Variants in CALN1 observed in about 807,000 individuals in gnomAD.
The protein encoded by CALN1 is calcium-binding protein 8.
Under a neutral mutation model 30.6 loss-of-function variants are expected in CALN1, and 17 were observed. The observed-to-expected ratio is 0.56, with a 90% CI of 0.38 to 0.83. The LOEUF is 0.83. CALN1 is among the 40% of genes least tolerant of loss of function. The pLI, the probability that CALN1 is intolerant of heterozygous loss-of-function variation, is 0.00. For synonymous variants in CALN1, 156 were observed against 131.4 expected, an observed-to-expected ratio of 1.19 and a Z score of -1.28; for missense variants, 291 against 354.9, an observed-to-expected ratio of 0.82 and a Z score of 1.45.
chr7:72,185,229 T>C (rs1456287962), intron 3 of CALN1, among the ~76,000 whole-genome samples: 2 of 151,996 alleles, frequency 1.3e-5, no homozygotes, highest in African/African-American at 4.8e-5. Context: ...ATGGGAAAAA[T>C]GTACATGGGA....
intron 5 of CALN1, among the ~76,000 whole-genome samples, chr7:71,831,978 A>T (rs1325944180): frequency 6.6e-6 from 1 of 151,962 alleles, no homozygotes; most frequent in Non-Finnish European, 1.5e-5. Context: ...CAAATATAAG[A>T]CATACTGTTG....
intron 2 of CALN1, among the ~76,000 whole-genome samples, chr7:72,398,434 CTT>C (rs1233792631): frequency 1.3e-5 from 2 of 152,222 alleles, no homozygotes; most frequent in East Asian, 1.9e-4. Flanking sequence ...CGAAAAAACA[CTT>C]TGTTTGGAAC....
intron 3 of CALN1, among the ~76,000 whole-genome samples, chr7:72,193,356 T>A (rs1248826645): frequency 6.6e-6 from 1 of 151,960 alleles, no homozygotes; most frequent in Non-Finnish European, 1.5e-5. Context: ...CAGAGAAGGG[T>A]AGAAGACTCA....
At chr7:72,493,557 T>G in the CALN1 span, among the ~76,000 whole-genome samples, 1 of 152,164 alleles carries the variant, frequency 6.6e-6, no homozygotes, top group Non-Finnish European at 1.5e-5. Flanking sequence ...CAAGCTGGTC[T>G]CGAAATCCTG....
chr7:72,228,710 A>C (rs1793858776), intron 3 of CALN1, among the ~76,000 whole-genome samples: 1 of 151,138 alleles, frequency 6.6e-6, no homozygotes. Context: ...TACAGCAAGC[A>C]CTCCACAAGT....
intron 3 of CALN1, among the ~76,000 whole-genome samples, chr7:72,148,067 C>T (rs201968229): frequency 2.2e-4 from 32 of 144,784 alleles, no homozygotes; most frequent in East Asian, 2.0e-3. Flanking sequence ...GTTGTGCACA[C>T]GTACCCTAGA....
At chr7:72,046,332 C>T (rs1270071680) in intron 4 of CALN1, among the ~76,000 whole-genome samples, 1 of 151,944 alleles carries the variant, frequency 6.6e-6, no homozygotes, top group Non-Finnish European at 1.5e-5. Flanking sequence ...CTTCCAATTC[C>T]GAGGCTAAGG....
At chr7:72,469,929 G>A in the CALN1 span, among the ~76,000 whole-genome samples, 3 of 152,226 alleles carry the variant, frequency 2.0e-5, 1 homozygote, top group South Asian at 2.1e-4. Context: ...GTGGCTTCAC[G>A]TCCTGATTCT....
Position 72,374,805 on chromosome 7 carries a change from G to A in CALN1, c.119+28446C>T, listed in dbSNP as rs140448053. The stretch of plus-strand genomic sequence containing the variant: ...TCTCCTAAGCATGAGGTTATTTAAC[G>A]TTTTGTTTGAAATTATTACCACATA... On this transcript the variant is annotated intron_variant, in intron 2 of 6. Coordinates refer to ENST00000395275, the MANE Select transcript of CALN1 (RefSeq NM_031468.4). 2.1e-3 allele frequency among the ~76,000 whole-genome samples: 320 copies of A among 152,148 alleles called. 1 individual carries two copies. Among genetic ancestry groups the A allele is most frequent in the African/African-American group, 6.9e-3 (285 of 41,512 alleles).
intron 3 of CALN1, among the ~76,000 whole-genome samples, chr7:72,267,980 C>T (rs1367343472): frequency 1.3e-5 from 2 of 152,104 alleles, no homozygotes; most frequent in Non-Finnish European, 2.9e-5. Context: ...GCACTCCAGC[C>T]GGGGCAACAG....
chr7:72,326,057 C>T (rs999837559), intron 2 of CALN1, among the ~76,000 whole-genome samples: 1 of 152,188 alleles, frequency 6.6e-6, no homozygotes, highest in African/African-American at 2.4e-5. Flanking sequence ...TGCCCGCCAC[C>T]ACGCCTGGCT....
chr7:72,259,753 C>T (rs1796148091), intron 3 of CALN1, among the ~76,000 whole-genome samples: 1 of 152,178 alleles, frequency 6.6e-6, no homozygotes, highest in African/African-American at 2.4e-5. Flanking sequence ...CCCATGCCAA[C>T]TTCTCCCCAA....
intron 3 of CALN1, among the ~76,000 whole-genome samples, chr7:72,219,034 T>A (rs955539511): frequency 2.0e-5 from 3 of 152,204 alleles, no homozygotes; most frequent in Non-Finnish European, 4.4e-5. Context: ...GCACCCTACC[T>A]GAATTACCCC....
At chr7:72,410,435 C>T (rs1807044828) in intron 1 of CALN1, among the ~76,000 whole-genome samples, 1 of 152,236 alleles carries the variant, frequency 6.6e-6, no homozygotes, top group Non-Finnish European at 1.5e-5. Context: ...AATCCTTCTA[C>T]ATGATGTAAA....
At chr7:72,320,100 G>A (rs1405745383) in intron 2 of CALN1, among the ~76,000 whole-genome samples, 5 of 152,062 alleles carry the variant, frequency 3.3e-5, no homozygotes, top group Admixed American at 6.6e-5. Context: ...CAGCCTGGAC[G>A]ACAGATCGAG....
intron 5 of CALN1, among the ~76,000 whole-genome samples, chr7:71,823,760 GAGAA>G (rs1474187731): frequency 6.6e-6 from 1 of 151,818 alleles, no homozygotes; most frequent in African/African-American, 2.4e-5. Flanking sequence ...AAAAGAAAAA[GAGAA>G]AGAAAAGAAA....
At chr7:71,846,518 G>A (rs1316557932) in intron 5 of CALN1, among the ~76,000 whole-genome samples, 1 of 152,066 alleles carries the variant, frequency 6.6e-6, no homozygotes, top group Admixed American at 6.6e-5. Context: ...AAATATGTGT[G>A]TGTATGTGTG....
chr7:72,058,310 CTTTTTTTTTTT>C (rs3065011), intron 4 of CALN1, among the ~76,000 whole-genome samples: 3 of 70,746 alleles, frequency 4.2e-5, no homozygotes, highest in African/African-American at 1.7e-4. Flanking sequence ...AAGCTGGAAT[CTTTTTTTTTTT>C]TTTTTTTTTT....
At chr7:72,217,065 T>C (rs1024196760) in intron 3 of CALN1, among the ~76,000 whole-genome samples, 1 of 152,090 alleles carries the variant, frequency 6.6e-6, no homozygotes, top group African/African-American at 2.4e-5. Context: ...CATGTGTGAA[T>C]GTGACAAGAT....
Sources: gnomAD v4.1 joint callset for allele counts (sites outside exome capture counted in the v4.1 genomes callset) on GRCh38, gnomAD v4.1.1 for gene constraint, MANE v1.5 for transcripts, NCBI Gene and HGNC (gene_info 2026-07-23, HGNC 2026-07-21) for gene names.